Variants in RNF169 observed in about 807,000 individuals in gnomAD.
RNF169 encodes the protein E3 ubiquitin-protein ligase RNF169.
Under a neutral mutation model 53.9 loss-of-function variants are expected in RNF169, and 24 were observed. That is an observed-to-expected ratio of 0.45 (90% CI 0.32 to 0.63). RNF169 has a LOEUF of 0.63. RNF169 is among the 20% of genes least tolerant of loss of function. The pLI is 0.04. For synonymous variants in RNF169, 396 were observed against 363.5 expected (o/e 1.09, Z -1.02); for missense variants, 883 against 906.2 (o/e 0.97, Z 0.33).
intron 1 of RNF169, among the ~76,000 whole-genome samples, chr11:74,774,327 CAG>C (rs927333593): frequency 4.1e-5 from 6 of 146,630 alleles, no homozygotes; most frequent in Non-Finnish European, 8.9e-5. Flanking sequence ...GCCTGGATGA[CAG>C]AGTGAGACCC....
chr11:74,830,775 A>T (rs2036166355), intron 4 of RNF169: 1 of 152,192 alleles, frequency 6.6e-6, no homozygotes, highest in South Asian at 2.1e-4. Context: ...TTCAGCAAAA[A>T]TACTAGCCAA....
At chr11:74,806,180 GATATC>G (rs2035803202) in intron 2 of RNF169, among the ~76,000 whole-genome samples, 1 of 152,106 alleles carries the variant, frequency 6.6e-6, no homozygotes, top group Non-Finnish European at 1.5e-5. Flanking sequence ...AAAGGGTAAA[GATATC>G]AATAGACACT....
Position 74,841,047 on chromosome 11 carries a change from ATAAG to A in RNF169, c.*4325_*4328del, listed in dbSNP as rs1479754625. The A allele has an allele frequency of 6.6e-6, 1 of 152,154 alleles. No homozygotes were observed. The highest frequency in any genetic ancestry group is 1.5e-5 in the Non-Finnish European group (1 of 68,024). 9.4% of individuals were successfully genotyped at this position (152,154 alleles called of 1,614,324 possible). On this transcript the variant is annotated 3_prime_UTR_variant, in exon 6 of 6. Coordinates refer to ENST00000299563, the MANE Select transcript of RNF169 (RefSeq NM_001098638.2). ...CTCAGGTAGAGAAAGTCTCCATAGT[ATAAG>A]TAAGTAATATGAATGTGGAATCTTG...
chr11:74,758,232 C>T (rs1182837555), intron 1 of RNF169, among the ~76,000 whole-genome samples: 2 of 129,688 alleles, frequency 1.5e-5, no homozygotes, highest in East Asian at 4.6e-4. Context: ...GCCAGTTTTC[C>T]CAGCACCATT....
chr11:74,839,786 T>A lies in RNF169; in HGVS notation c.*3056T>A, dbSNP rs1456176603. 1 of 152,190 alleles carries A rather than the reference T, an allele frequency of 6.6e-6. No individual in the cohort carries two copies. Among genetic ancestry groups the A allele is most frequent in the Non-Finnish European group, 1.5e-5 (1 of 68,046 alleles). 9.4% of individuals were successfully genotyped at this position (152,190 alleles called of 1,614,324 possible). On this transcript the variant is annotated 3_prime_UTR_variant, in exon 6 of 6. Transcript: ENST00000299563. ...TTCTTGACCCATTGATTGTATCTGC[T>A]GGAAGAAGTCATCTGGGCCTGTTGG...
Position 74,839,398 on chromosome 11 carries a change from C to T in RNF169, c.*2668C>T, listed in dbSNP as rs1306791703. ...AATGCTTTTCTTTCTGAAAAATCTC[C>T]CTCTCTCCTTCCATGATTCTGAAGT... On this transcript the variant is annotated 3_prime_UTR_variant, in exon 6 of 6. Coordinates refer to ENST00000299563, the MANE Select transcript of RNF169 (RefSeq NM_001098638.2). 6.6e-6 allele frequency: 1 copy of T among 152,132 alleles called. No homozygotes were observed. Among genetic ancestry groups the T allele is most frequent in the Non-Finnish European group, 1.5e-5 (1 of 68,034 alleles). 9.4% of individuals were successfully genotyped at this position (152,132 alleles called of 1,614,324 possible).
At chr11:74,781,921 T>C (rs1333808079) in intron 1 of RNF169, among the ~76,000 whole-genome samples, 2 of 152,176 alleles carry the variant, frequency 1.3e-5, no homozygotes, top group East Asian at 3.8e-4. Flanking sequence ...ATTATGAAGT[T>C]GAGTTAGTTA....
At chr11:74,767,073 C>T (rs2035185216) in intron 1 of RNF169, among the ~76,000 whole-genome samples, 1 of 152,114 alleles carries the variant, frequency 6.6e-6, no homozygotes, top group Admixed American at 6.5e-5. Flanking sequence ...CTTCTGACCT[C>T]AAGCAATTCT....
At chr11:74,755,057 T>G (rs2034960864) in intron 1 of RNF169, among the ~76,000 whole-genome samples, 1 of 152,204 alleles carries the variant, frequency 6.6e-6, no homozygotes. Context: ...TGAAACCATG[T>G]GATTGTAGTG....
intron 3 of RNF169, among the ~76,000 whole-genome samples, chr11:74,815,355 A>G (rs2135124579): frequency 6.6e-6 from 1 of 152,316 alleles, no homozygotes; most frequent in East Asian, 1.9e-4. Flanking sequence ...CAGGAGTTCA[A>G]GACCAGCCTG....
intron 4 of RNF169, among the ~76,000 whole-genome samples, chr11:74,818,987 G>T (rs487666): frequency 0.62 from 93,947 of 151,836 alleles, 30,445 homozygotes; most frequent in East Asian, 0.81. Context: ...TTATGTATTT[G>T]TACTGTAAAT....
At chr11:74,797,537 G>A (rs2035667203) in intron 2 of RNF169, among the ~76,000 whole-genome samples, 1 of 152,144 alleles carries the variant, frequency 6.6e-6, no homozygotes, top group African/African-American at 2.4e-5. Flanking sequence ...TAACTCCACT[G>A]TGTCTAATAT....
intron 2 of RNF169, among the ~76,000 whole-genome samples, chr11:74,792,196 G>T: frequency 6.6e-6 from 1 of 151,520 alleles, no homozygotes; most frequent in Non-Finnish European, 1.5e-5. Context: ...TTTTTCTGTT[G>T]AAAAATTATT....
chr11:74,773,907 A>G (rs796358424), intron 1 of RNF169, among the ~76,000 whole-genome samples: 42 of 152,322 alleles, frequency 2.8e-4, no homozygotes, highest in African/African-American at 1.0e-3. Context: ...TAAATACCTA[A>G]TAAATATTAG....
chr11:74,793,299 G>A (rs1010788288), intron 2 of RNF169, among the ~76,000 whole-genome samples: 1 of 152,190 alleles, frequency 6.6e-6, no homozygotes, highest in Non-Finnish European at 1.5e-5. Flanking sequence ...ACAGATCTCA[G>A]TAGATCTTCA....
At chr11:74,795,629 G>A (rs2035637553) in intron 2 of RNF169, among the ~76,000 whole-genome samples, 1 of 152,218 alleles carries the variant, frequency 6.6e-6, no homozygotes, top group African/African-American at 2.4e-5. Flanking sequence ...GGGAGACTGA[G>A]GCAGGAGGAT....
rs373109575 is a variant in RNF169 at position 74,761,546 on chromosome 11, G to T, written c.502+12164G>T. On this transcript the variant is annotated intron_variant, in intron 1 of 5. Transcript: ENST00000299563. Reference sequence around the variant, plus strand: ...TCTCAGCATTTGCTTGTCTGTAAAGGATTTTATTTCTCCTTCACTTATGAA... The same window carrying T: ...TCTCAGCATTTGCTTGTCTGTAAAGTATTTTATTTCTCCTTCACTTATGAA... Among the ~76,000 whole-genome samples the T allele has an allele frequency of 3.3e-5, 5 of 151,682 alleles. No homozygotes were observed. In the South Asian group the frequency reaches 6.3e-4, roughly 19 times the overall value.
At chr11:74,822,448 G>A (rs1277141206) in intron 4 of RNF169, among the ~76,000 whole-genome samples, 1 of 152,142 alleles carries the variant, frequency 6.6e-6, no homozygotes, top group African/African-American at 2.4e-5. Context: ...GAAATTTTAA[G>A]CAAGTTGCTT....
At chr11:74,782,750 A>G (rs2035434338) in intron 1 of RNF169, among the ~76,000 whole-genome samples, 1 of 152,160 alleles carries the variant, frequency 6.6e-6, no homozygotes, top group South Asian at 2.1e-4. Flanking sequence ...TAGTATAACT[A>G]TATTATATAT....
Sources: gnomAD v4.1 joint callset for allele counts (sites outside exome capture counted in the v4.1 genomes callset) on GRCh38, gnomAD v4.1.1 for gene constraint, MANE v1.5 for transcripts, NCBI Gene and HGNC (gene_info 2026-07-23, HGNC 2026-07-21) for gene names.